The following RADIL variants were observed in gnomAD, a reference collection of about 807,000 sequenced individuals.
RADIL encodes the protein ras-associating and dilute domain-containing protein.
Under a neutral mutation model 97.6 loss-of-function variants are expected in RADIL, and 99 were observed. The observed-to-expected ratio is 1.01, with a 90% CI of 0.86 to 1.20. The LOEUF (loss-of-function observed/expected upper bound fraction) is 1.20. RADIL is among the 50% of genes most tolerant of loss of function. RADIL has a pLI of 0.00. For synonymous variants in RADIL, 803 were observed against 691.8 expected (o/e 1.16, Z -2.52); for missense variants, 1,765 against 1,498.9 (o/e 1.18, Z -2.93).
chr7:4,821,615 A>C lies in RADIL; in HGVS notation c.1615+779T>G, dbSNP rs920780772. On this transcript the variant is annotated intron_variant, in intron 6 of 14. Transcript: ENST00000399583. This position sits in a 1 kb window ranked among gnomAD's most constrained non-coding sequence, Gnocchi z 5.2. ...CACGGTGGCTCATGCCTGTAATCCC[A>C]GCACTTTGGGAGGCTGAGGTGGGGC... 6.6e-6 allele frequency among the ~76,000 whole-genome samples: 1 copy of C among 152,156 alleles called. No homozygotes were observed. Among genetic ancestry groups the C allele is most frequent in the Admixed American group, 6.5e-5 (1 of 15,278 alleles).
In RADIL at chr7:4,814,482, G is replaced by A. The variant is rs1475552743; in HGVS notation, c.2139+796C>T. Among the ~76,000 whole-genome samples, 1 of 151,956 alleles carries A rather than the reference G, an allele frequency of 6.6e-6. No individual in the cohort carries two copies. Among genetic ancestry groups the A allele is most frequent in the Non-Finnish European group, 1.5e-5 (1 of 68,006 alleles). On this transcript the variant is annotated intron_variant, in intron 9 of 14. Coordinates refer to ENST00000399583, the MANE Select transcript of RADIL (RefSeq NM_018059.5). This position sits in a 1 kb window ranked among gnomAD's most constrained non-coding sequence, Gnocchi z 4.5. ...AGCATGTTCAGCGTTTTCCAGGCAG[G>A]AGAGGAAACCATCGGTCTATTTCCA...
chr7:4,852,795 G>A (rs969678436), intron 2 of RADIL, among the ~76,000 whole-genome samples: 1 of 152,034 alleles, frequency 6.6e-6, no homozygotes, highest in African/African-American at 2.4e-5. Context: ...CACCTGCCTC[G>A]GCCTCCCAAA....
At position 4,799,611 on chromosome 7, in the gene RADIL, G is replaced by A. The variant is rs371707271; in HGVS notation, c.3122+19C>T. ...GGGCATCTGGGAGAAGGGGCCGGGCGTGCATGCGGTGGGGGTACCTCAGGT... is the reference window on the plus strand; with the variant it reads ...GGGCATCTGGGAGAAGGGGCCGGGCATGCATGCGGTGGGGGTACCTCAGGT... On this transcript the variant is annotated intron_variant, in intron 14 of 14. Coordinates refer to ENST00000399583, the MANE Select transcript of RADIL (RefSeq NM_018059.5). 1.0e-5 allele frequency: 16 copies of A among 1,604,888 alleles called. No individual in the cohort carries two copies. Among genetic ancestry groups the A allele is most frequent in the African/African-American group, 4.0e-5 (3 of 74,798 alleles).
chr7:4,869,864 C>T lies in RADIL; in HGVS notation c.535+7741G>A, dbSNP rs558981368. On this transcript the variant is annotated intron_variant, in intron 2 of 14. Transcript: ENST00000399583. ...TGGACACTCAGGCCAGGTGCAGTGG[C>T]TCGTACCTGAAATCCCGGCACTTTG... 7.2e-5 allele frequency among the ~76,000 whole-genome samples: 11 copies of T among 152,330 alleles called. 1 individual carries two copies. In the East Asian group the frequency reaches 2.1e-3, roughly 29 times the overall value.
chr7:4,838,423 T>G (rs1168664568), intron 2 of RADIL, among the ~76,000 whole-genome samples: 1 of 152,176 alleles, frequency 6.6e-6, no homozygotes, highest in Admixed American at 6.5e-5. Context: ...GAAGGGTTGC[T>G]TCTCCTCCTA....
In RADIL at chr7:4,805,706, G is replaced by A; in HGVS notation, c.2150C>T (p.Thr717Ile). 6.2e-7 allele frequency: 1 copy of A among 1,608,530 alleles called. No individual in the cohort carries two copies. The highest frequency in any genetic ancestry group is 8.5e-7 in the Non-Finnish European group (1 of 1,178,018). ...TGCGGGGAACGCAGCCCGCAGGGCT[G>A]TCCAGCTCATCTGGGTGACAAGAAG... ...PRAQLIQMSWTALRAAFPALS... is the reference protein window; with the variant it reads ...PRAQLIQMSWIALRAAFPALS... The change falls in exon 10 of 15, where the codon ACA (threonine) becomes ATA (isoleucine). Residue 717 changes from threonine to isoleucine, a missense_variant. Transcript: ENST00000399583.
chr7:4,814,050 G>C lies in RADIL; in HGVS notation c.2139+1228C>G, dbSNP rs377480765. Among the ~76,000 whole-genome samples, 11 of 152,252 alleles carry C rather than the reference G, an allele frequency of 7.2e-5. No individual in the cohort carries two copies. Among genetic ancestry groups the C allele is most frequent in the African/African-American group, 2.4e-4 (10 of 41,558 alleles). ...CCACCTCAGCCTCTCAAAGCACTGG[G>C]AGGACAGGCATGAGCCACCGTGCCT... On this transcript the variant is annotated intron_variant, in intron 9 of 14. Transcript: ENST00000399583. This position sits in a 1 kb window ranked among gnomAD's most constrained non-coding sequence, Gnocchi z 4.5.
At position 4,801,852 on chromosome 7, in the gene RADIL, A is replaced by G. The variant is rs541687153; in HGVS notation, c.2643T>C (p.Pro881=). Residue 881 remains proline, a synonymous_variant, in exon 12 of 15, where the codon CCT becomes CCC. Coordinates refer to ENST00000399583, the MANE Select transcript of RADIL (RefSeq NM_018059.5). Reference sequence around the variant, plus strand: ...AGCCCCCACGGCTGGGTTGCCTTCCAGGGGGGGCCTGTGCCCAGGGAGCCC... The same window carrying G: ...AGCCCCCACGGCTGGGTTGCCTTCCGGGGGGGGCCTGTGCCCAGGGAGCCC... ...LRGAPWAQAP[P]GRQPSRGGSQ... The G allele has an allele frequency of 4.4e-6, 7 of 1,597,012 alleles. No homozygotes were observed. In the African/African-American group the frequency reaches 6.7e-5, roughly 15 times the overall value.
chr7:4,829,381 C>T (rs1473394608), intron 5 of RADIL, among the ~76,000 whole-genome samples: 2 of 152,170 alleles, frequency 1.3e-5, no homozygotes, highest in Non-Finnish European at 1.5e-5. Flanking sequence ...AAGTGGAAGG[C>T]GTTCGGAGCT....
At chr7:4,881,275 C>T (rs1388188593) in intron 1 of RADIL, among the ~76,000 whole-genome samples, 5 of 142,132 alleles carry the variant, frequency 3.5e-5, no homozygotes, top group African/African-American at 1.3e-4. Flanking sequence ...ATTAGCCAGG[C>T]GTGGTGGTGG....
intron 11 of RADIL, 59 bp downstream of exon 11, chr7:4,803,487 T>G: frequency 1.4e-6 from 2 of 1,392,264 alleles, no homozygotes; most frequent in Non-Finnish European, 1.9e-6. Flanking sequence ...GCACGCTGGC[T>G]GGGTCCCCTC....
rs1322703190 is a variant in RADIL, at chr7:4,876,330, C to T, written c.535+1275G>A. Among the ~76,000 whole-genome samples the T allele has an allele frequency of 3.3e-5, 5 of 151,836 alleles. No homozygotes were observed. The South Asian group carries it at 8.3e-4, about 25-fold the overall frequency. ...TTTATTTATATTTGAGACTGAGTTT[C>T]GTTCTTGTTGCCCAGGCTGGAGAGC... On this transcript the variant is annotated intron_variant, in intron 2 of 14. Coordinates refer to ENST00000399583, the MANE Select transcript of RADIL (RefSeq NM_018059.5).
Position 4,822,353 on chromosome 7 carries a change from G to A in RADIL, c.1615+41C>T. On this transcript the variant is annotated intron_variant, in intron 6 of 14. Coordinates refer to ENST00000399583, the MANE Select transcript of RADIL (RefSeq NM_018059.5). This position sits in a 1 kb window ranked among gnomAD's most constrained non-coding sequence, Gnocchi z 5.3. ...GAGGAGATGCCACACTCCCCTGCCT[G>A]GGGTGCTGGCGGGGGGAATGGAGGG... is the stretch of plus-strand genomic sequence containing the variant. The A allele has an allele frequency of 6.3e-7, 1 of 1,581,614 alleles. No individual in the cohort carries two copies. The highest frequency in any genetic ancestry group is 1.1e-5 in the South Asian group (1 of 87,292).
intron 5 of RADIL, among the ~76,000 whole-genome samples, chr7:4,827,505 C>T (rs969519645): frequency 2.7e-4 from 38 of 141,904 alleles, no homozygotes; most frequent in African/African-American, 8.7e-4. Flanking sequence ...ACTAAAAATA[C>T]AAAAAATTAG....
At chr7:4,808,276 G>A (rs1421340769) in intron 9 of RADIL, among the ~76,000 whole-genome samples, 1 of 150,646 alleles carries the variant, frequency 6.6e-6, no homozygotes, top group Admixed American at 6.6e-5. Flanking sequence ...TTTCTCCCAG[G>A]CTCTGCACAG....
At chr7:4,845,089 T>C (rs1056543141) in intron 2 of RADIL, among the ~76,000 whole-genome samples, 9 of 150,470 alleles carry the variant, frequency 6.0e-5, no homozygotes, top group African/African-American at 2.2e-4. Context: ...TATATGAAAA[T>C]TATATTTACA....
intron 2 of RADIL, chr7:4,861,221 C>T (rs755454129): frequency 6.2e-7 from 1 of 1,614,138 alleles, no homozygotes; most frequent in Non-Finnish European, 8.5e-7. Flanking sequence ...TCTTATGCAT[C>T]TAATGTCTAA....
At position 4,817,425 on chromosome 7, in the gene RADIL, A is replaced by G. The variant is rs1782705578; in HGVS notation, c.1616-74T>C. 3 of 1,369,706 alleles carry G rather than the reference A, an allele frequency of 2.2e-6. No individual in the cohort carries two copies. In the African/African-American group the frequency reaches 4.3e-5, roughly 20 times the overall value. 84.8% of individuals were successfully genotyped at this position (1,369,706 alleles called of 1,614,324 possible). On this transcript the variant is annotated intron_variant, in intron 6 of 14. Transcript: ENST00000399583. The surrounding 1 kb of genome is among the most constrained non-coding windows in gnomAD (Gnocchi z 8.3). ...GAACGCAGCAACTCAGCCAGCCGCCAGCTCTTTCCCTGGCGCGGGCACCAC... is the reference window on the plus strand; with the variant it reads ...GAACGCAGCAACTCAGCCAGCCGCCGGCTCTTTCCCTGGCGCGGGCACCAC...
chr7:4,873,968 G>A lies in RADIL; in HGVS notation c.535+3637C>T, dbSNP rs973493415. ...TCCTCCCCTTCTCTGGCTCTCAGTC[G>A]TTCCCCTTGGAGGGGCGAGGGAGGA... On this transcript the variant is annotated intron_variant, in intron 2 of 14. Coordinates refer to ENST00000399583, the MANE Select transcript of RADIL (RefSeq NM_018059.5). The surrounding 1 kb of genome is among the most constrained non-coding windows in gnomAD (Gnocchi z 4.3). Among the ~76,000 whole-genome samples, 4 of 152,218 alleles carry A rather than the reference G, an allele frequency of 2.6e-5. No individual in the cohort carries two copies. The highest frequency in any genetic ancestry group is 3.9e-4 in the East Asian group (2 of 5,192).
Sources: allele counts gnomAD v4.1 joint callset (sites outside exome capture counted in the v4.1 genomes callset), GRCh38; gene constraint gnomAD v4.1.1; non-coding constraint Gnocchi (gnomAD v3.1); transcripts MANE v1.5; gene names NCBI Gene and HGNC (gene_info 2026-07-23, HGNC 2026-07-21).